Variants in GALNT9 observed in about 807,000 individuals in gnomAD.
GALNT9 encodes the protein polypeptide N-acetylgalactosaminyltransferase 9.
Under a neutral mutation model 63.1 loss-of-function variants are expected in GALNT9, and 47 were observed. That is an observed-to-expected ratio of 0.75 (90% CI 0.59 to 0.95). The LOEUF (loss-of-function observed/expected upper bound fraction) is 0.95. Ranked by LOEUF, GALNT9 falls within the 40% of genes least tolerant of loss-of-function variation. The pLI is 0.00. For missense variants in GALNT9, 829 were observed against 874.8 expected, an observed-to-expected ratio of 0.95 and a Z score of 0.66; for synonymous variants, 396 against 365.7, an observed-to-expected ratio of 1.08 and a Z score of -0.94.
At chr12:132,297,900 A>G (rs1193787729) in intron 1 of GALNT9, among the ~76,000 whole-genome samples, 1 of 151,946 alleles carries the variant, frequency 6.6e-6, no homozygotes, top group Non-Finnish European at 1.5e-5. Context: ...ATTCACTCCC[A>G]TGATAACCAA....
At position 132,265,521 on chromosome 12, in the gene GALNT9, T is replaced by C. The variant is rs1555240114; in HGVS notation, c.420-2896A>G. Among the ~76,000 whole-genome samples the C allele has an allele frequency of 6.6e-6, 1 of 152,070 alleles. No homozygotes were observed. The highest frequency in any genetic ancestry group is 2.4e-5 in the African/African-American group (1 of 41,412). ...ATCCTGAGATGAGCTTGAGGCAGGA[T>C]CGGTAGGATGAGGAGGCCACACTGA... On this transcript the variant is annotated intron_variant, in intron 2 of 10. Coordinates refer to ENST00000328957, the MANE Select transcript of GALNT9 (RefSeq NM_001122636.2). The surrounding 1 kb of genome is among the most constrained non-coding windows in gnomAD (Gnocchi z 5.3).
intron 4 of GALNT9, among the ~76,000 whole-genome samples, chr12:132,260,633 T>G (rs1555239630): frequency 6.6e-6 from 1 of 152,210 alleles, no homozygotes; most frequent in Non-Finnish European, 1.5e-5. Flanking sequence ...CAGGGTCACA[T>G]TCTCCTGGGG....
chr12:132,200,720 A>C, intron 8 of GALNT9: 1 of 177,636 alleles, frequency 5.6e-6, no homozygotes, highest in Non-Finnish European at 1.2e-5. Context: ...GTCTCTGTAC[A>C]CACATCTAGG....
intron 6 of GALNT9, among the ~76,000 whole-genome samples, chr12:132,237,311 C>T (rs926650053): frequency 6.6e-6 from 1 of 152,100 alleles, no homozygotes; most frequent in Non-Finnish European, 1.5e-5. Flanking sequence ...CACCAGTTCA[C>T]AGCTGCTCAC....
chr12:132,260,576 C>A (rs1555239625), intron 4 of GALNT9, among the ~76,000 whole-genome samples: 1 of 152,210 alleles, frequency 6.6e-6, no homozygotes, highest in African/African-American at 2.4e-5. Flanking sequence ...ATCTGAGGTT[C>A]CCACCCCGCG....
At chr12:132,264,368 G>A (rs1303435935) in intron 2 of GALNT9, among the ~76,000 whole-genome samples, 3 of 152,232 alleles carry the variant, frequency 2.0e-5, no homozygotes, top group East Asian at 1.9e-4. Flanking sequence ...TGAAGAAGCC[G>A]AGCCGGGATG....
At chr12:132,201,772 G>A (rs1593462710) in intron 7 of GALNT9, among the ~76,000 whole-genome samples, 3 of 152,236 alleles carry the variant, frequency 2.0e-5, no homozygotes, top group Admixed American at 2.0e-4. Context: ...GGGGACACCT[G>A]AGAGCTTGTA....
intron 6 of GALNT9, among the ~76,000 whole-genome samples, chr12:132,211,435 C>A (rs1327717697): frequency 2.0e-5 from 3 of 152,172 alleles, no homozygotes; most frequent in Admixed American, 6.5e-5. Flanking sequence ...TTTGCACCGA[C>A]CTAGTACGAG....
rs1180172916 is a variant in GALNT9, at chr12:132,315,990, C to T, written c.238+12976G>A. On this transcript the variant is annotated intron_variant, in intron 1 of 10. Transcript: ENST00000328957. This position sits in a 1 kb window ranked among gnomAD's most constrained non-coding sequence, Gnocchi z 6.1. ...TCGAGAGTGGAGGGTGGTGGGGACG[C>T]GGGGTCCTGGAGAGGGCACGGCAGG... 6.6e-6 allele frequency among the ~76,000 whole-genome samples: 1 copy of T among 152,178 alleles called. No homozygotes were observed. The highest frequency in any genetic ancestry group is 1.5e-5 in the Non-Finnish European group (1 of 68,020).
chr12:132,213,785 C>T (rs1877069935), intron 6 of GALNT9, among the ~76,000 whole-genome samples: 1 of 152,234 alleles, frequency 6.6e-6, no homozygotes, highest in South Asian at 2.1e-4. Context: ...CCTGAGGAGG[C>T]CCCAGCTTGC....
In GALNT9 at chr12:132,199,272, G is replaced by A. The variant is rs377607554; in HGVS notation, c.1402-3C>T. 6.9e-6 allele frequency: 11 copies of A among 1,594,650 alleles called. No homozygotes were observed. The highest frequency in any genetic ancestry group is 3.3e-4 in the Middle Eastern group (2 of 6,062). ...GCACTGGCTTTGCTGTTTCTCACCT[G>A]CAAGCAGAAGCCCCAGGAGAAAGTC... On this transcript the variant is annotated splice_region_variant and splice_polypyrimidine_tract_variant and intron_variant, in intron 8 of 10. Transcript: ENST00000328957.
rs529192233 is a variant in GALNT9 at position 132,319,812 on chromosome 12, C to T, written c.238+9154G>A. On this transcript the variant is annotated intron_variant, in intron 1 of 10. Transcript: ENST00000328957. This position sits in a 1 kb window ranked among gnomAD's most constrained non-coding sequence, Gnocchi z 5.2. ...ACATTCCTCGGGCCTGGGTGCCCAG[C>T]CTCCCGCGTCCTTCTAGGGAGAAGC... 1.2e-4 allele frequency among the ~76,000 whole-genome samples: 18 copies of T among 152,334 alleles called. No individual in the cohort carries two copies. In the East Asian group the frequency reaches 3.1e-3, roughly 26 times the overall value.
At chr12:132,200,873 T>G (rs113033846) in intron 8 of GALNT9, 8,284 of 512,030 alleles carry the variant, frequency 0.016, 554 homozygotes, top group African/African-American at 0.14. Flanking sequence ...GACATGTGGG[T>G]CTGCAGGTGC....
rs558073080 is a variant in GALNT9, at chr12:132,326,057, C to T, written c.238+2909G>A. Among the ~76,000 whole-genome samples the T allele has an allele frequency of 2.6e-5, 4 of 152,396 alleles. No individual in the cohort carries two copies. In the East Asian group the frequency reaches 5.8e-4, roughly 22 times the overall value. ...CCTCGCATGGACACAGGGGTAGGCCCTGCAAGCGCCTAGAGAAAGTGGGGG... is the reference window on the plus strand; with the variant it reads ...CCTCGCATGGACACAGGGGTAGGCCTTGCAAGCGCCTAGAGAAAGTGGGGG... On this transcript the variant is annotated intron_variant, in intron 1 of 10. Transcript: ENST00000328957.
chr12:132,204,101 C>T (rs1463828902), intron 6 of GALNT9, among the ~76,000 whole-genome samples: 1 of 151,950 alleles, frequency 6.6e-6, no homozygotes, highest in Non-Finnish European at 1.5e-5. Flanking sequence ...TTACAAACAG[C>T]TGCTTGCCAT....
intron 6 of GALNT9, chr12:132,240,615 G>A (rs2136898874): frequency 1.3e-5 from 6 of 455,378 alleles, no homozygotes; most frequent in South Asian, 9.3e-5. Context: ...TGGCCCCGGG[G>A]CTCGGCTGTG....
chr12:132,238,646 C>T lies in GALNT9; in HGVS notation c.1077+9264G>A, dbSNP rs2136896177. ...AAGGTGGGCAGGCCTGAGTGTGAGT[C>T]TCACATCCATCTGCTGCGTGGCCCT... On this transcript the variant is annotated intron_variant, in intron 6 of 10. Transcript: ENST00000328957. The surrounding 1 kb of genome is among the most constrained non-coding windows in gnomAD (Gnocchi z 6.5). 6.6e-6 allele frequency among the ~76,000 whole-genome samples: 1 copy of T among 152,126 alleles called. No homozygotes were observed.
intron 2 of GALNT9, among the ~76,000 whole-genome samples, chr12:132,281,278 G>T (rs1880332445): frequency 6.6e-6 from 1 of 152,336 alleles, no homozygotes; most frequent in Middle Eastern, 3.4e-3. Context: ...CATTCCGCAG[G>T]CACCGGGGAA....
chr12:132,204,837 G>A (rs1470850793), intron 6 of GALNT9, among the ~76,000 whole-genome samples: 6 of 152,168 alleles, frequency 3.9e-5, no homozygotes, highest in South Asian at 2.1e-4. Context: ...TCTGATCCAC[G>A]TGGCCCAAGC....
Sources: allele counts gnomAD v4.1 joint callset (sites outside exome capture counted in the v4.1 genomes callset), GRCh38; gene constraint gnomAD v4.1.1; non-coding constraint Gnocchi (gnomAD v3.1); transcripts MANE v1.5; gene names NCBI Gene and HGNC (gene_info 2026-07-23, HGNC 2026-07-21).